The following MEGF10 variants were observed in gnomAD, a reference collection of about 807,000 sequenced individuals.
MEGF10 encodes multiple EGF like domains 10, also known as multiple epidermal growth factor-like domains protein 10.
In MEGF10, 86 loss-of-function variants were observed where a neutral mutation model predicts 147.5. The observed-to-expected ratio is 0.58, with a 90% confidence interval of 0.49 to 0.70. The LOEUF (loss-of-function observed/expected upper bound fraction) is 0.70. MEGF10 is among the 30% of genes least tolerant of loss of function. The pLI is 0.00. For synonymous variants in MEGF10, 478 were observed against 525.5 expected (o/e 0.91, Z 1.24); for missense variants, 1,329 against 1,487.3 (o/e 0.89, Z 1.75).
At chr5:127,402,053 A>G (rs575031423) in intron 7 of MEGF10, among the ~76,000 whole-genome samples, 1 of 152,236 alleles carries the variant, frequency 6.6e-6, no homozygotes, top group Non-Finnish European at 1.5e-5. Context: ...GTTATGCTAC[A>G]TTTTAAGAAA....
chr5:127,457,634 G>A lies in MEGF10; in HGVS notation c.*316G>A, dbSNP rs943579012. ...TCCCTCGGAGACGCAGGTTGCAGTG[G>A]ACATTGGGATTGTTGCTTGAAAAAT... On this transcript the variant is annotated 3_prime_UTR_variant, in exon 25 of 25. Coordinates refer to ENST00000503335, the MANE Select transcript of MEGF10 (RefSeq NM_001256545.2). 17 of 309,926 alleles carry A rather than the reference G, an allele frequency of 5.5e-5. No homozygotes were observed. The highest frequency in any genetic ancestry group is 3.6e-4 in the African/African-American group (17 of 47,416). 19.2% of individuals were successfully genotyped at this position (309,926 alleles called of 1,614,324 possible).
At chr5:127,346,928 T>A (rs573189082) in intron 4 of MEGF10, among the ~76,000 whole-genome samples, 32 of 152,202 alleles carry the variant, frequency 2.1e-4, no homozygotes, top group African/African-American at 7.2e-4. Flanking sequence ...GAAATTAATT[T>A]ATATTTTATA....
intron 13 of MEGF10, chr5:127,424,490 C>T (rs745391408): frequency 2.1e-6 from 3 of 1,436,094 alleles, no homozygotes; most frequent in Non-Finnish European, 1.8e-6. Flanking sequence ...ATGAAGTCTT[C>T]AGATTCATAA....
Position 127,416,348 on chromosome 5 carries a change from T to G in MEGF10, c.1131-1290T>G, listed in dbSNP as rs1764779150. On this transcript the variant is annotated intron_variant, in intron 9 of 24. Coordinates refer to ENST00000503335, the MANE Select transcript of MEGF10 (RefSeq NM_001256545.2). ...TGGCCCAAGGGCTCAGTTTTTGACA[T>G]GTTAAGTTTGAGATGCCGTGGAGAT... 5.3e-5 allele frequency among the ~76,000 whole-genome samples: 8 copies of G among 152,174 alleles called. 1 individual carries two copies. In the South Asian group the frequency reaches 1.7e-3, roughly 32 times the overall value.
chr5:127,366,224 A>G (rs532862626), intron 4 of MEGF10, among the ~76,000 whole-genome samples: 1 of 152,226 alleles, frequency 6.6e-6, no homozygotes, highest in African/African-American at 2.4e-5. Flanking sequence ...GTGAGTTGGG[A>G]CATCAGAGAA....
chr5:127,370,004 T>C lies in MEGF10; in HGVS notation c.412+2T>C, dbSNP rs1561599823. The C allele has an allele frequency of 1.2e-5, 19 of 1,611,894 alleles. No individual in the cohort carries two copies. The highest frequency in any genetic ancestry group is 1.6e-5 in the Non-Finnish European group (19 of 1,178,322). On this transcript the variant is annotated splice_donor_variant, in intron 5 of 24. Coordinates refer to ENST00000503335, the MANE Select transcript of MEGF10 (RefSeq NM_001256545.2). LOFTEE classifies it high-confidence loss of function. ...GGGGAGGGACCAACTGCTCCAGTGG[T>C]AAGTTTCCACCTGCTGTTGTCTGTC...
chr5:127,337,802 AG>A (rs1228046059), intron 2 of MEGF10, among the ~76,000 whole-genome samples: 3 of 152,094 alleles, frequency 2.0e-5, no homozygotes, highest in Non-Finnish European at 4.4e-5. Context: ...CAGGGAAGTG[AG>A]GTTATCTGCT....
intron 8 of MEGF10, among the ~76,000 whole-genome samples, chr5:127,404,532 A>G (rs1057358437): frequency 1.3e-5 from 2 of 152,106 alleles, no homozygotes; most frequent in East Asian, 3.9e-4. Context: ...TGCTCTACAG[A>G]AAATTTTTAA....
chr5:127,398,620 CG>C (rs751427231), intron 6 of MEGF10, 55 bp from the exon 7 acceptor site: 50 of 1,608,194 alleles, frequency 3.1e-5, no homozygotes, highest in Non-Finnish European at 4.1e-5. Flanking sequence ...ACAGTGAACC[CG>C]AGGGTCATGT....
At chr5:127,321,049 C>T (rs1760767659) in intron 1 of MEGF10, among the ~76,000 whole-genome samples, 1 of 152,184 alleles carries the variant, frequency 6.6e-6, no homozygotes. Context: ...TTTATTGCTA[C>T]AATACACAGG....
intron 5 of MEGF10, among the ~76,000 whole-genome samples, chr5:127,392,204 CT>C (rs906785914): frequency 1.1e-4 from 17 of 152,242 alleles, no homozygotes; most frequent in African/African-American, 3.6e-4. Context: ...ATTTCTACTT[CT>C]TTTTGTTGTG....
chr5:127,262,393 G>C, the MEGF10 span, among the ~76,000 whole-genome samples: 2 of 152,078 alleles, frequency 1.3e-5, no homozygotes, highest in Non-Finnish European at 2.9e-5. Flanking sequence ...GGCAAGTCTG[G>C]AACTAAAATT....
intron 4 of MEGF10, among the ~76,000 whole-genome samples, chr5:127,361,410 CT>C (rs937454734): frequency 1.3e-5 from 2 of 151,916 alleles, no homozygotes; most frequent in Non-Finnish European, 2.9e-5. Flanking sequence ...TGTCTTCTCT[CT>C]TTTTTTCCTG....
chr5:127,364,741 C>G (rs1331960232), intron 4 of MEGF10, among the ~76,000 whole-genome samples: 1 of 152,108 alleles, frequency 6.6e-6, no homozygotes. Flanking sequence ...CTGTTTGCTT[C>G]TTTCTCCTTC....
the MEGF10 span, among the ~76,000 whole-genome samples, chr5:127,243,538 C>G: frequency 6.6e-6 from 1 of 152,126 alleles, no homozygotes; most frequent in Admixed American, 6.5e-5. Context: ...TACAAAGTTT[C>G]TTTCATCACA....
intron 1 of MEGF10, among the ~76,000 whole-genome samples, chr5:127,297,296 G>C (rs1759546746): frequency 6.6e-6 from 1 of 152,142 alleles, no homozygotes; most frequent in Admixed American, 6.5e-5. Context: ...GCTGTGTAGG[G>C]CATAGGGGAA....
upstream of MEGF10, among the ~76,000 whole-genome samples, chr5:127,290,117 C>T (rs535482906): frequency 3.9e-5 from 6 of 152,258 alleles, no homozygotes; most frequent in African/African-American, 1.4e-4. Context: ...CAGAGGGAGC[C>T]ATTCCCCAAT....
intron 2 of MEGF10, among the ~76,000 whole-genome samples, chr5:127,333,635 G>T (rs1761356751): frequency 6.6e-6 from 1 of 152,192 alleles, no homozygotes; most frequent in Non-Finnish European, 1.5e-5. Flanking sequence ...GTTGACCAGA[G>T]CTGCCAATGC....
chr5:127,303,200 G>A (rs1759850027), intron 1 of MEGF10, among the ~76,000 whole-genome samples: 1 of 152,078 alleles, frequency 6.6e-6, no homozygotes, highest in Admixed American at 6.5e-5. Flanking sequence ...GCTGGGCATG[G>A]TGATGTGCGC....
Sources: allele counts gnomAD v4.1 joint callset (sites outside exome capture counted in the v4.1 genomes callset), GRCh38; gene constraint gnomAD v4.1.1; transcripts MANE v1.5; gene names NCBI Gene and HGNC (gene_info 2026-07-23, HGNC 2026-07-21).